The following TRAPPC9 variants were observed in gnomAD, a reference collection of about 807,000 sequenced individuals.
The protein encoded by TRAPPC9 is IKK2 binding protein.
In TRAPPC9, 83 loss-of-function variants were observed where a neutral mutation model predicts 124.0. That is an observed-to-expected ratio of 0.67 (90% confidence interval 0.56 to 0.80). The LOEUF (loss-of-function observed/expected upper bound fraction) is 0.80. Among genes scored for constraint, TRAPPC9 ranks in the 30% least tolerant of loss-of-function variants. The pLI, the probability that TRAPPC9 is intolerant of heterozygous loss-of-function variation, is 0.00. For synonymous variants in TRAPPC9, 638 were observed against 617.5 expected, an observed-to-expected ratio of 1.03 and a Z score of -0.49; for missense variants, 1,302 against 1,508.3, an observed-to-expected ratio of 0.86 and a Z score of 2.27.
rs1056535384 is a variant in TRAPPC9 at position 140,089,775 on chromosome 8, T to G, written c.2557-65696A>C. ...TAGGCTGGTAGACCTTCTGAGTGTT[T>G]GCTTAAAAACATAAGGGCAGGCAGC... On this transcript the variant is annotated intron_variant, in intron 17 of 22. Coordinates refer to ENST00000438773, the MANE Select transcript of TRAPPC9 (RefSeq NM_001160372.4). Among the ~76,000 whole-genome samples, 8 of 152,060 alleles carry G rather than the reference T, an allele frequency of 5.3e-5. No homozygotes were observed. In the South Asian group the frequency reaches 1.7e-3, roughly 32 times the overall value.
intron 17 of TRAPPC9, among the ~76,000 whole-genome samples, chr8:140,048,861 C>G (rs2132072244): frequency 6.6e-6 from 1 of 152,328 alleles, no homozygotes; most frequent in East Asian, 1.9e-4. Flanking sequence ...CTACTCCCAG[C>G]TCCAACCAGT....
intron 17 of TRAPPC9, among the ~76,000 whole-genome samples, chr8:140,032,829 A>C (rs950247529): frequency 6.6e-6 from 1 of 152,206 alleles, no homozygotes; most frequent in Admixed American, 6.5e-5. Flanking sequence ...TGAAAGTCGA[A>C]CCATGTCACA....
At chr8:140,189,544 C>T (rs1303393519) in intron 17 of TRAPPC9, among the ~76,000 whole-genome samples, 1 of 152,172 alleles carries the variant, frequency 6.6e-6, no homozygotes, top group Non-Finnish European at 1.5e-5. Context: ...GCCTAGACGG[C>T]TCCTAAGGTC....
intron 21 of TRAPPC9, among the ~76,000 whole-genome samples, chr8:139,781,452 A>T (rs1380472513): frequency 6.6e-6 from 1 of 152,260 alleles, no homozygotes; most frequent in Non-Finnish European, 1.5e-5. Context: ...GAAAAGGCCA[A>T]ACAATAGGGG....
In TRAPPC9 at chr8:140,383,512, G is replaced by A. The variant is rs191938467; in HGVS notation, c.1135-12332C>T. Reference sequence around the variant, plus strand: ...AACGATGGCACGAGAACTACGTGACGAATGCACATGCTTCAGTAGCCGATT... The same window carrying A: ...AACGATGGCACGAGAACTACGTGACAAATGCACATGCTTCAGTAGCCGATT... On this transcript the variant is annotated intron_variant, in intron 7 of 22. Coordinates refer to ENST00000438773, the MANE Select transcript of TRAPPC9 (RefSeq NM_001160372.4). Among the ~76,000 whole-genome samples the A allele has an allele frequency of 3.1e-3, 474 of 152,322 alleles. 2 individuals carry two copies. The highest frequency in any genetic ancestry group is 0.011 in the African/African-American group (461 of 41,568).
At chr8:140,162,786 G>A (rs1203766166) in intron 17 of TRAPPC9, among the ~76,000 whole-genome samples, 2 of 152,166 alleles carry the variant, frequency 1.3e-5, no homozygotes, top group Middle Eastern at 3.2e-3. Context: ...CCAGGAGTTT[G>A]AGACCAGCCT....
At chr8:140,380,875 A>G (rs1190185905) in intron 7 of TRAPPC9, among the ~76,000 whole-genome samples, 1 of 152,048 alleles carries the variant, frequency 6.6e-6, no homozygotes, top group Non-Finnish European at 1.5e-5. Context: ...ACTTCACCAA[A>G]ATTAAAAACT....
intron 7 of TRAPPC9, among the ~76,000 whole-genome samples, chr8:140,374,691 C>G (rs959445120): frequency 2.0e-5 from 3 of 152,126 alleles, no homozygotes; most frequent in African/African-American, 7.2e-5. Context: ...CAGACATGAT[C>G]AAAGATGTTG....
At chr8:140,120,861 ACATT>A (rs201153858) in intron 17 of TRAPPC9, among the ~76,000 whole-genome samples, 1 of 150,920 alleles carries the variant, frequency 6.6e-6, no homozygotes, top group Admixed American at 6.6e-5. Context: ...CATCCATCCA[ACATT>A]CATCCATCCA....
intron 15 of TRAPPC9, among the ~76,000 whole-genome samples, chr8:140,259,472 C>G (rs555865517): frequency 6.6e-6 from 1 of 152,190 alleles, no homozygotes; most frequent in Non-Finnish European, 1.5e-5. Flanking sequence ...GGACAAAGGG[C>G]CCTGGGTTCA....
chr8:140,371,038 C>T lies in TRAPPC9; in HGVS notation c.1277G>A (p.Arg426Lys). 6.2e-7 allele frequency: 1 copy of T among 1,614,258 alleles called. No individual in the cohort carries two copies. The highest frequency in any genetic ancestry group is 8.5e-7 in the Non-Finnish European group (1 of 1,180,050). The change falls in exon 8 of 23, where the codon AGG becomes AAG. Residue 426 changes from arginine to lysine, a missense_variant. By Grantham distance (26) the Arg-to-Lys change is conservative. Around this residue, in one of 3 missense-constraint regions of TRAPPC9, gnomAD observed 657 missense variants for 811.2 expected, o/e 0.81. Coordinates refer to ENST00000438773, the MANE Select transcript of TRAPPC9 (RefSeq NM_001160372.4). Reference sequence around the variant, plus strand: ...TTCCAGGAGGAGTTTGTAGCAGGCCCTCCACCCAGGCTCCGCGATGCTTGG... The same window carrying T: ...TTCCAGGAGGAGTTTGTAGCAGGCCTTCCACCCAGGCTCCGCGATGCTTGG... ...VAPSIAEPGW[R>K]ACYKLLLETL...
intron 17 of TRAPPC9, among the ~76,000 whole-genome samples, chr8:140,074,540 T>C (rs2129882253): frequency 6.6e-6 from 1 of 152,222 alleles, no homozygotes; most frequent in South Asian, 2.1e-4. Context: ...GTGGGAAGGA[T>C]ACATGGGGTT....
chr8:140,389,907 C>G (rs2068874973), intron 7 of TRAPPC9, among the ~76,000 whole-genome samples: 1 of 149,146 alleles, frequency 6.7e-6, no homozygotes, highest in Non-Finnish European at 1.5e-5. Flanking sequence ...TAAAGGAAAC[C>G]AGGGGAAGGT....
intron 17 of TRAPPC9, among the ~76,000 whole-genome samples, chr8:140,217,972 G>A (rs553399073): frequency 2.6e-5 from 4 of 151,772 alleles, no homozygotes; most frequent in Admixed American, 6.6e-5. Flanking sequence ...AGCCGAGATC[G>A]CGCCACTGCA....
intron 21 of TRAPPC9, among the ~76,000 whole-genome samples, chr8:139,816,496 T>A (rs12334562): frequency 6.6e-6 from 1 of 151,642 alleles, no homozygotes; most frequent in Non-Finnish European, 1.5e-5. Flanking sequence ...GCTGCCCCCA[T>A]CTCAGTATGG....
At chr8:140,201,611 T>C (rs1169809699) in intron 17 of TRAPPC9, among the ~76,000 whole-genome samples, 1 of 152,266 alleles carries the variant, frequency 6.6e-6, no homozygotes, top group Non-Finnish European at 1.5e-5. Flanking sequence ...TCAAATATTA[T>C]ATCTCATTGT....
chr8:140,037,749 A>C (rs1055454372), intron 17 of TRAPPC9, among the ~76,000 whole-genome samples: 7 of 146,662 alleles, frequency 4.8e-5, no homozygotes, highest in Non-Finnish European at 9.1e-5. Flanking sequence ...ACACACACAC[A>C]CCCCACACAC....
chr8:140,286,407 G>A (rs73714854), intron 13 of TRAPPC9, among the ~76,000 whole-genome samples: 5,167 of 152,220 alleles, frequency 0.034, 139 homozygotes, highest in South Asian at 0.12. Flanking sequence ...GAAGATCGCC[G>A]GGCCACAGAT....
intron 5 of TRAPPC9, among the ~76,000 whole-genome samples, chr8:140,412,539 C>G (rs2069742397): frequency 6.6e-6 from 1 of 152,108 alleles, no homozygotes; most frequent in African/African-American, 2.4e-5. Flanking sequence ...ATGTGAATGA[C>G]CTTGTCCTTA....
Sources: gnomAD v4.1 joint callset for allele counts (sites outside exome capture counted in the v4.1 genomes callset) on GRCh38, gnomAD v4.1.1 for gene constraint, gnomAD v4.1.1 regional missense constraint, MANE v1.5 for transcripts, NCBI Gene and HGNC (gene_info 2026-07-23, HGNC 2026-07-21) for gene names.